ZCCHC4: variants seen among roughly 807,000 people sequenced by gnomAD.
The protein encoded by ZCCHC4 is rRNA N(6)-adenosine-methyltransferase ZCCHC4.
A neutral mutation model predicts 67.7 loss-of-function variants in ZCCHC4; 54 were observed. The observed-to-expected ratio is 0.80, with a 90% CI of 0.64 to 1.00. The LOEUF is 1.00. Ranked by LOEUF, ZCCHC4 falls within the 50% of genes least tolerant of loss-of-function variation. The pLI is 0.00. For missense variants in ZCCHC4, 609 were observed against 617.0 expected (o/e 0.99, Z 0.14); for synonymous variants, 198 against 213.5 (o/e 0.93, Z 0.63).
rs547778916 is a variant in ZCCHC4 at position 25,344,959 on chromosome 4, C to T, written c.687-589C>T. Among the ~76,000 whole-genome samples, 14 of 152,084 alleles carry T rather than the reference C, an allele frequency of 9.2e-5. No individual in the cohort carries two copies. In the East Asian group the frequency reaches 9.7e-4, roughly 10 times the overall value. ...CTGGGACCGTAGGCATGCATCACCACGCCTGGCTAATTTTTGTATTTTTTG... is the reference window on the plus strand; with the variant it reads ...CTGGGACCGTAGGCATGCATCACCATGCCTGGCTAATTTTTGTATTTTTTG... On this transcript the variant is annotated intron_variant, in intron 5 of 12. Coordinates refer to ENST00000302874, the MANE Select transcript of ZCCHC4 (RefSeq NM_024936.3).
In ZCCHC4 at chr4:25,325,241, C is replaced by CAAAAAA. The variant is rs11318046; in HGVS notation, c.330-7925_330-7920dup. Among the ~76,000 whole-genome samples, 60 of 74,752 alleles carry CAAAAAA rather than the reference C, an allele frequency of 8.0e-4. 1 individual carries two copies. Among genetic ancestry groups the CAAAAAA allele is most frequent in the South Asian group, 3.1e-3 (6 of 1,938 alleles). 49.0% of individuals were successfully genotyped at this position (74,752 alleles called of 152,430 possible). A position where few individuals can be genotyped will look rare whatever the true frequency, so the allele number is the denominator to read the frequency against. On this transcript the variant is annotated intron_variant, in intron 3 of 12. Transcript: ENST00000302874. ...CCTGGGCGACAGGGAGACTCCGTCT[C>CAAAAAA]AAAAAAAAAAAAAAAAAAAAAAGAA...
At chr4:25,352,004 C>G (rs1352780344) in intron 8 of ZCCHC4, 2 of 1,028,144 alleles carry the variant, frequency 1.9e-6, no homozygotes, top group Non-Finnish European at 2.3e-6. Flanking sequence ...AGTCTTTCAT[C>G]ATCACTAGGA....
At chr4:25,354,666 A>G (rs1023158457) in intron 8 of ZCCHC4, among the ~76,000 whole-genome samples, 2 of 150,302 alleles carry the variant, frequency 1.3e-5, no homozygotes, top group African/African-American at 2.4e-5. Flanking sequence ...CTTCATTAAA[A>G]TTTTTTTTTT....
intron 5 of ZCCHC4, among the ~76,000 whole-genome samples, chr4:25,337,944 G>C (rs1165976592): frequency 1.3e-5 from 2 of 152,084 alleles, no homozygotes; most frequent in Non-Finnish European, 2.9e-5. Flanking sequence ...AGAATCCTTG[G>C]TTTACTTTGT....
chr4:25,349,841 T>A (rs1720205085), intron 7 of ZCCHC4, among the ~76,000 whole-genome samples, 199 bp downstream of exon 7: 1 of 152,194 alleles, frequency 6.6e-6, no homozygotes, highest in South Asian at 2.1e-4. Context: ...TGGATTTTTT[T>A]AATGGCTTAT....
rs577376723 is a variant in ZCCHC4 at position 25,336,416 on chromosome 4, A to G, written c.686+2428A>G. Among the ~76,000 whole-genome samples, 4 of 152,282 alleles carry G rather than the reference A, an allele frequency of 2.6e-5. No homozygotes were observed. In the South Asian group the frequency reaches 8.3e-4, roughly 32 times the overall value. The stretch of plus-strand genomic sequence containing the variant: ...TGTTCCTTTCCTAAAGTATTAAATT[A>G]TTCTAAATGCATTATTTTAAAGGTA... On this transcript the variant is annotated intron_variant, in intron 5 of 12. Coordinates refer to ENST00000302874, the MANE Select transcript of ZCCHC4 (RefSeq NM_024936.3).
intron 6 of ZCCHC4, among the ~76,000 whole-genome samples, chr4:25,345,971 T>C (rs1039376654): frequency 6.6e-6 from 1 of 152,130 alleles, no homozygotes; most frequent in African/African-American, 2.4e-5. Flanking sequence ...TCAGACGCCT[T>C]TCCACCGCAG....
At chr4:25,358,126 T>C (rs973122770) in intron 8 of ZCCHC4, among the ~76,000 whole-genome samples, 13 of 152,254 alleles carry the variant, frequency 8.5e-5, no homozygotes, top group African/African-American at 3.1e-4. Context: ...TTCGGTTTGC[T>C]TTCAAGATAA....
intron 8 of ZCCHC4, among the ~76,000 whole-genome samples, chr4:25,357,994 A>C (rs1364772936): frequency 6.6e-6 from 1 of 152,238 alleles, no homozygotes; most frequent in Non-Finnish European, 1.5e-5. Flanking sequence ...GATGTAAAGA[A>C]AGGTGGATTT....
chr4:25,315,609 G>C (rs563770660), intron 3 of ZCCHC4, among the ~76,000 whole-genome samples: 2 of 151,716 alleles, frequency 1.3e-5, no homozygotes, highest in Non-Finnish European at 2.9e-5. Context: ...GCCCCTATTC[G>C]CAAAACTTTT....
At chr4:25,364,362 G>C in intron 10 of ZCCHC4, 92 bp from the exon 11 acceptor site, 2 of 1,004,658 alleles carry the variant, frequency 2.0e-6, no homozygotes, top group South Asian at 4.3e-5. Flanking sequence ...AATTTACACA[G>C]ATTTTAATAA....
At chr4:25,364,280 T>C (rs183583890) in intron 10 of ZCCHC4, among the ~76,000 whole-genome samples, 174 bp from the exon 11 acceptor site, 11 of 152,220 alleles carry the variant, frequency 7.2e-5, no homozygotes, top group Admixed American at 5.9e-4. Flanking sequence ...TTGAGTTGAG[T>C]GGAGAAATGC....
intron 5 of ZCCHC4, among the ~76,000 whole-genome samples, chr4:25,340,195 AG>A (rs894203156): frequency 6.6e-6 from 1 of 152,158 alleles, no homozygotes; most frequent in African/African-American, 2.4e-5. Flanking sequence ...TGTATGAGGT[AG>A]GGGTCTAACT....
chr4:25,364,970 T>C, intron 11 of ZCCHC4, 52 bp from the exon 12 acceptor site: 2 of 1,608,146 alleles, frequency 1.2e-6, no homozygotes, highest in Non-Finnish European at 1.7e-6. Context: ...GTTAATAAGA[T>C]GAAAAATTAC....
At chr4:25,355,709 A>G (rs1438145246) in intron 8 of ZCCHC4, among the ~76,000 whole-genome samples, 2 of 152,232 alleles carry the variant, frequency 1.3e-5, no homozygotes, top group African/African-American at 2.4e-5. Context: ...AATTATTGCA[A>G]ATTAAAAGAT....
At chr4:25,338,483 A>G (rs765175330) in intron 5 of ZCCHC4, among the ~76,000 whole-genome samples, 3 of 152,196 alleles carry the variant, frequency 2.0e-5, no homozygotes, top group Admixed American at 6.5e-5. Flanking sequence ...CATCACCGCT[A>G]TCTAATTCCA....
In ZCCHC4 at chr4:25,312,779, G is replaced by A. The variant is rs1283999433; in HGVS notation, c.-31G>A. On this transcript the variant is annotated 5_prime_UTR_variant, in exon 1 of 13. Transcript: ENST00000302874. ...CGCTCTTTCTCAGCATTCTTGTTTC[G>A]TACTGAGGCTTTCGGGACGGCGGCG... The A allele has an allele frequency of 5.6e-6, 9 of 1,612,390 alleles. No homozygotes were observed. Among genetic ancestry groups the A allele is most frequent in the Admixed American group, 1.7e-5 (1 of 59,992 alleles).
intron 1 of ZCCHC4, 104 bp from the exon 2 acceptor site, chr4:25,313,942 C>A: frequency 5.7e-6 from 4 of 695,974 alleles, no homozygotes; most frequent in Admixed American, 2.4e-5. Flanking sequence ...ATAAATTGTG[C>A]CTAAAGCTCA....
intron 3 of ZCCHC4, among the ~76,000 whole-genome samples, chr4:25,317,519 C>G (rs891273791): frequency 6.6e-6 from 1 of 151,908 alleles, no homozygotes; most frequent in African/African-American, 2.4e-5. Context: ...CGAGACCAGC[C>G]TGGCCAACAT....
Sources: gnomAD v4.1 joint callset for allele counts (sites outside exome capture counted in the v4.1 genomes callset) on GRCh38, gnomAD v4.1.1 for gene constraint, MANE v1.5 for transcripts, NCBI Gene and HGNC (gene_info 2026-07-23, HGNC 2026-07-21) for gene names.